TSGA13: variants seen among roughly 807,000 people sequenced by gnomAD.
The protein encoded by TSGA13 is testis-specific gene 13 protein.
TSGA13 carries 37 observed loss-of-function variants against 35.1 expected under a neutral mutation model. The ratio of observed to expected loss-of-function variants is 1.05; its 90% CI spans 0.81 to 1.39. The LOEUF is 1.39. TSGA13 is among the 40% of genes most tolerant of loss of function. TSGA13 has a pLI of 0.00. For synonymous variants in TSGA13, 124 were observed against 121.2 expected (o/e 1.02, Z -0.15); for missense variants, 338 against 328.5 (o/e 1.03, Z -0.22).
chr7:130,668,839 G>A lies in TSGA13; in HGVS notation c.*175C>T. The A allele has an allele frequency of 1.6e-6, 2 of 1,281,832 alleles. No individual in the cohort carries two copies. Among genetic ancestry groups the A allele is most frequent in the South Asian group, 1.6e-5 (1 of 62,476 alleles). 79.4% of individuals were successfully genotyped at this position (1,281,832 alleles called of 1,614,324 possible). ...CCCGGCCGCCCTCGGCCCCCGGGAC[G>A]CAGCCACGCCCCCTTCTCCTCTTGC... On this transcript the variant is annotated 3_prime_UTR_variant, in exon 8 of 8. Coordinates refer to ENST00000356588, the MANE Select transcript of TSGA13 (RefSeq NM_052933.4).
intron 5 of TSGA13, among the ~76,000 whole-genome samples, chr7:130,673,659 G>A (rs1347792585): frequency 6.6e-6 from 1 of 152,048 alleles, no homozygotes; most frequent in Non-Finnish European, 1.5e-5. Context: ...CATATGACAT[G>A]GCATTGGGTT....
chr7:130,681,056 C>T (rs1554465022), intron 3 of TSGA13, 39 bp from the exon 4 acceptor site: 2 of 1,577,064 alleles, frequency 1.3e-6, no homozygotes, highest in Non-Finnish European at 1.7e-6. Context: ...TGAAGTTGCA[C>T]CTATCCTAAA....
intron 5 of TSGA13, among the ~76,000 whole-genome samples, chr7:130,678,603 G>A (rs60798712): frequency 6.6e-6 from 1 of 152,178 alleles, no homozygotes; most frequent in Non-Finnish European, 1.5e-5. Context: ...TTTGGCCAAA[G>A]AAGAACACTT....
In TSGA13 at chr7:130,669,068, G is replaced by T. The variant is rs1563076899; in HGVS notation, c.774C>A (p.Phe258Leu). Residue 258 changes from phenylalanine to leucine, a missense_variant, in exon 8 of 8, where the codon TTC becomes TTA. Physicochemically the swap from Phe to Leu is conservative, Grantham distance 22 (BLOSUM62 0). Coordinates refer to ENST00000356588, the MANE Select transcript of TSGA13 (RefSeq NM_052933.4). ...PTRTAPGESA[F>L]RNGRAPQWII... Reference sequence around the variant, plus strand: ...TCCACTGCGGGGCCCTCCCGTTGCGGAAGGCGCTCTCCCCGGGCGCGGTTC... The same window carrying T: ...TCCACTGCGGGGCCCTCCCGTTGCGTAAGGCGCTCTCCCCGGGCGCGGTTC... The T allele has an allele frequency of 6.2e-7, 1 of 1,614,206 alleles. No homozygotes were observed. Among genetic ancestry groups the T allele is most frequent in the South Asian group, 1.1e-5 (1 of 91,080 alleles).
chr7:130,673,203 G>A (rs1796323846), intron 5 of TSGA13, among the ~76,000 whole-genome samples: 1 of 152,230 alleles, frequency 6.6e-6, no homozygotes, highest in South Asian at 2.1e-4. Context: ...CCTTGGGGAA[G>A]TAAGTATTTG....
At chr7:130,683,255 G>A (rs781919669) in intron 3 of TSGA13, among the ~76,000 whole-genome samples, 2 of 152,222 alleles carry the variant, frequency 1.3e-5, no homozygotes, top group Non-Finnish European at 2.9e-5. Flanking sequence ...TCACTTGAAT[G>A]TGGTAAACAT....
intron 1 of TSGA13, among the ~76,000 whole-genome samples, chr7:130,685,846 A>G (rs1182895645): frequency 6.6e-6 from 1 of 152,212 alleles, no homozygotes; most frequent in African/African-American, 2.4e-5. Context: ...GAAATGGAAG[A>G]TACAAGCTGA....
intron 3 of TSGA13, among the ~76,000 whole-genome samples, chr7:130,681,997 T>G (rs1424551364): frequency 3.3e-5 from 5 of 152,064 alleles, no homozygotes; most frequent in Admixed American, 2.6e-4. Flanking sequence ...TGGAGGGCAT[T>G]GGTGCAATCA....
chr7:130,675,915 G>T lies in TSGA13; in HGVS notation c.388-3039C>A, dbSNP rs113370252. 6.5e-3 allele frequency among the ~76,000 whole-genome samples: 986 copies of T among 152,252 alleles called. 13 individuals carry two copies. The highest frequency in any genetic ancestry group is 0.023 in the African/African-American group (936 of 41,548). On this transcript the variant is annotated intron_variant, in intron 5 of 7. Coordinates refer to ENST00000356588, the MANE Select transcript of TSGA13 (RefSeq NM_052933.4). ...CCCAGCCTATGAATTTTGCTTTGTT[G>T]GGTCTGATATCCTCCTCTGGTCTCA...
rs1305117808 is a variant in TSGA13 at position 130,685,181 on chromosome 7, T to C, written c.23+7A>G. 1 of 1,613,076 alleles carries C rather than the reference T, an allele frequency of 6.2e-7. No individual in the cohort carries two copies. Among genetic ancestry groups the C allele is most frequent in the Non-Finnish European group, 8.5e-7 (1 of 1,179,162 alleles). On this transcript the variant is annotated splice_region_variant and intron_variant, in intron 2 of 7. Transcript: ENST00000356588. ...TATAACTTAGTTGGGCAAACAAGAC[T>C]ACATACTTGGTTTGTCTCTTTTGGC...
intron 3 of TSGA13, among the ~76,000 whole-genome samples, chr7:130,681,268 A>C (rs1796539185): frequency 6.6e-6 from 1 of 152,148 alleles, no homozygotes; most frequent in Admixed American, 6.5e-5. Context: ...AGCCTTATGA[A>C]ATGTCAGGGA....
upstream of TSGA13, chr7:130,686,867 T>TCTTCTCCTTCTC (rs112661691): frequency 3.3e-5 from 5 of 152,210 alleles, no homozygotes; most frequent in East Asian, 1.9e-4. Context: ...GCCATTTGAA[T>TCTTCTCCTTCTC]CTTCTCCTTC....
rs924097632 is a variant in TSGA13 at position 130,681,663 on chromosome 7, T to A, written c.103-646A>T. Among the ~76,000 whole-genome samples the A allele has an allele frequency of 7.9e-4, 120 of 152,212 alleles. 1 individual carries two copies. Among genetic ancestry groups the A allele is most frequent in the African/African-American group, 2.8e-3 (117 of 41,552 alleles). The stretch of plus-strand genomic sequence containing the variant: ...TTTGCTTTTTTATTTTTATTTTTAT[T>A]TTTTTTGCTGGTGGGTAGTCCTGGA... On this transcript the variant is annotated intron_variant, in intron 3 of 7. Transcript: ENST00000356588.
At position 130,679,352 on chromosome 7, in the gene TSGA13, G is replaced by T. The variant is rs1554464703; in HGVS notation, c.190C>A (p.Pro64Thr). 2 of 1,612,068 alleles carry T rather than the reference G, an allele frequency of 1.2e-6. No homozygotes were observed. Among genetic ancestry groups the T allele is most frequent in the East Asian group, 4.5e-5 (2 of 44,878 alleles). ...TTCTGCAGGGCAGTGGCCTTCAAAGGCTTATAGTACTGGGCCTGAACAGAC... is the reference window on the plus strand; with the variant it reads ...TTCTGCAGGGCAGTGGCCTTCAAAGTCTTATAGTACTGGGCCTGAACAGAC... ...VHPNLAQYYK[P>T]LKATALQKFL... Residue 64 changes from proline to threonine, a missense_variant, in exon 5 of 8, where the codon CCT (proline) becomes ACT (threonine). Coordinates refer to ENST00000356588, the MANE Select transcript of TSGA13 (RefSeq NM_052933.4).
Position 130,668,890 on chromosome 7 carries a change from C to CCT in TSGA13, c.*122_*123dup, listed in dbSNP as rs1796172835. ...GGCCCGCCGGAGACTTCGGCTCGAC[C>CCT]CTCCCGGCTTGCGACCCGGGAGCCC... On this transcript the variant is annotated 3_prime_UTR_variant, in exon 8 of 8. Coordinates refer to ENST00000356588, the MANE Select transcript of TSGA13 (RefSeq NM_052933.4). 1 of 1,436,002 alleles carries CCT rather than the reference C, an allele frequency of 7.0e-7. No homozygotes were observed. The allele number at this position is 1,436,002 out of a possible 1,614,324, so 89.0% of individuals were successfully genotyped here. A position where few individuals can be genotyped will look rare whatever the true frequency, so the allele number is the denominator to read the frequency against.
Position 130,680,848 on chromosome 7 carries a change from G to A in TSGA13, c.174+98C>T, listed in dbSNP as rs1796528781. ...AAGAGTACGCACAGTCACAGAAGCTGGGGACACTTGGAGGCATTAGGGACA... is the reference window on the plus strand; with the variant it reads ...AAGAGTACGCACAGTCACAGAAGCTAGGGACACTTGGAGGCATTAGGGACA... On this transcript the variant is annotated intron_variant, in intron 4 of 7. Transcript: ENST00000356588. The A allele has an allele frequency of 1.7e-5, 19 of 1,088,444 alleles. 1 individual carries two copies. In the South Asian group the frequency reaches 2.7e-4, roughly 15 times the overall value. The allele number at this position is 1,088,444 out of a possible 1,614,324, so 67.4% of individuals were successfully genotyped here.
chr7:130,680,074 C>A (rs1796508916), intron 4 of TSGA13, among the ~76,000 whole-genome samples: 1 of 152,214 alleles, frequency 6.6e-6, no homozygotes, highest in African/African-American at 2.4e-5. Flanking sequence ...CCAAATCTCG[C>A]TTAAGGAATT....
intron 2 of TSGA13, among the ~76,000 whole-genome samples, chr7:130,684,686 G>T (rs1439909042): frequency 6.6e-6 from 1 of 152,122 alleles, no homozygotes; most frequent in Non-Finnish European, 1.5e-5. Context: ...TCCATCTGTT[G>T]CTGGCCACCA....
chr7:130,677,431 C>CT (rs200435239), intron 5 of TSGA13, among the ~76,000 whole-genome samples: 9,048 of 144,794 alleles, frequency 0.062, 355 homozygotes, highest in African/African-American at 0.11. Context: ...TTTGCTTTTT[C>CT]TTTTTTTTTT....
Sources: gnomAD v4.1 joint callset for allele counts (sites outside exome capture counted in the v4.1 genomes callset) on GRCh38, gnomAD v4.1.1 for gene constraint, MANE v1.5 for transcripts, NCBI Gene and HGNC (gene_info 2026-07-23, HGNC 2026-07-21) for gene names.